PIP4K2A: variants seen among roughly 807,000 people sequenced by gnomAD.
The protein encoded by PIP4K2A is phosphatidylinositol 5-phosphate 4-kinase type-2 alpha.
Under a neutral mutation model 42.9 loss-of-function variants are expected in PIP4K2A, and 14 were observed. The observed-to-expected ratio is 0.33, with a 90% CI of 0.22 to 0.51. PIP4K2A has a LOEUF of 0.51. Among genes scored for constraint, PIP4K2A ranks in the 20% least tolerant of loss-of-function variants. PIP4K2A has a pLI of 0.97. For missense variants in PIP4K2A, 434 were observed against 519.8 expected (o/e 0.83, Z 1.61); for synonymous variants, 192 against 192.2 (o/e 1.00, Z 0.01).
chr10:22,690,046 C>G (rs542242120), intron 1 of PIP4K2A, among the ~76,000 whole-genome samples: 1 of 152,246 alleles, frequency 6.6e-6, no homozygotes, highest in African/African-American at 2.4e-5. Flanking sequence ...TTAAGTATTT[C>G]TCAAAACTTA....
At chr10:22,601,967 A>G (rs1420189830) in intron 3 of PIP4K2A, among the ~76,000 whole-genome samples, 1 of 151,994 alleles carries the variant, frequency 6.6e-6, no homozygotes, top group East Asian at 1.9e-4. Context: ...ACTTCTCTCA[A>G]TGTCTTTTCA....
At chr10:22,587,766 T>G (rs1837431945) in intron 4 of PIP4K2A, among the ~76,000 whole-genome samples, 1 of 152,186 alleles carries the variant, frequency 6.6e-6, no homozygotes, top group Admixed American at 6.5e-5. Context: ...GGGAGAGGGC[T>G]AGGCAGCCGG....
chr10:22,577,359 C>G (rs966627185), intron 4 of PIP4K2A, among the ~76,000 whole-genome samples: 3 of 151,978 alleles, frequency 2.0e-5, no homozygotes, highest in African/African-American at 7.2e-5. Context: ...GGAGGTGGTG[C>G]TCGGTGGGAG....
At chr10:22,598,325 T>A (rs1226176652) in intron 3 of PIP4K2A, among the ~76,000 whole-genome samples, 3 of 152,140 alleles carry the variant, frequency 2.0e-5, no homozygotes, top group Non-Finnish European at 4.4e-5. Flanking sequence ...ACCACTGCAC[T>A]CCAGCCTAGT....
chr10:22,610,999 C>T (rs904354549), intron 1 of PIP4K2A, among the ~76,000 whole-genome samples: 5 of 152,024 alleles, frequency 3.3e-5, no homozygotes, highest in African/African-American at 9.7e-5. Flanking sequence ...ATTTTTTAAG[C>T]TGTGAGAAAT....
At chr10:22,615,254 C>T (rs776195465) in intron 1 of PIP4K2A, among the ~76,000 whole-genome samples, 3 of 152,162 alleles carry the variant, frequency 2.0e-5, no homozygotes, top group African/African-American at 2.4e-5. Flanking sequence ...TACAGGCGCA[C>T]ACCACCATGC....
intron 1 of PIP4K2A, among the ~76,000 whole-genome samples, chr10:22,618,196 C>A (rs1277080351): frequency 6.6e-6 from 1 of 152,216 alleles, no homozygotes; most frequent in Non-Finnish European, 1.5e-5. Context: ...AATCTCTCCT[C>A]TCTTTCCCCA....
At chr10:22,559,265 T>C (rs924137669) in intron 6 of PIP4K2A, among the ~76,000 whole-genome samples, 5 of 152,224 alleles carry the variant, frequency 3.3e-5, no homozygotes, top group African/African-American at 4.8e-5. Flanking sequence ...TACTGAATTT[T>C]GGAAGTCTTC....
At chr10:22,668,632 G>C (rs1350510804) in intron 1 of PIP4K2A, among the ~76,000 whole-genome samples, 1 of 152,174 alleles carries the variant, frequency 6.6e-6, no homozygotes, top group African/African-American at 2.4e-5. Context: ...ATAAATAGAA[G>C]CTGGTTTTCT....
rs144785253 is a variant in PIP4K2A at position 22,673,262 on chromosome 10, A to G, written c.144+40921T>C. 5.3e-3 allele frequency among the ~76,000 whole-genome samples: 802 copies of G among 152,360 alleles called. 5 individuals carry two copies. The highest frequency in any genetic ancestry group is 0.014 in the Middle Eastern group (4 of 294). ...TCCATATACATCTCTAAGCTGTCTT[A>G]TAATTATGCTTATCTCTGTGATCCT... On this transcript the variant is annotated intron_variant, in intron 1 of 9. Coordinates refer to ENST00000376573, the MANE Select transcript of PIP4K2A (RefSeq NM_005028.5).
At chr10:22,663,296 G>A (rs1839243172) in intron 1 of PIP4K2A, among the ~76,000 whole-genome samples, 1 of 152,192 alleles carries the variant, frequency 6.6e-6, no homozygotes, top group South Asian at 2.1e-4. Context: ...AGGCTTAGTT[G>A]AAATAATGTA....
At chr10:22,665,833 C>T (rs1839339194) in intron 1 of PIP4K2A, among the ~76,000 whole-genome samples, 1 of 151,664 alleles carries the variant, frequency 6.6e-6, no homozygotes, top group Admixed American at 6.6e-5. Flanking sequence ...TATATACATA[C>T]ACACACAGAC....
chr10:22,586,511 A>G (rs776361300), intron 4 of PIP4K2A, among the ~76,000 whole-genome samples: 1 of 152,188 alleles, frequency 6.6e-6, no homozygotes, highest in Non-Finnish European at 1.5e-5. Flanking sequence ...TAAAAATCTT[A>G]TTCAGTCACT....
At chr10:22,682,122 TA>T (rs1839674917) in intron 1 of PIP4K2A, among the ~76,000 whole-genome samples, 1 of 152,088 alleles carries the variant, frequency 6.6e-6, no homozygotes, top group Non-Finnish European at 1.5e-5. Flanking sequence ...ATTCAAGATA[TA>T]AAAATGCTCA....
At chr10:22,608,414 A>C (rs1837957487) in intron 2 of PIP4K2A, among the ~76,000 whole-genome samples, 1 of 152,166 alleles carries the variant, frequency 6.6e-6, no homozygotes, top group Admixed American at 6.5e-5. Context: ...ACTGCTGAGG[A>C]AAGGAGGGCC....
chr10:22,651,758 CG>C (rs2130813293), intron 1 of PIP4K2A, among the ~76,000 whole-genome samples: 1 of 152,324 alleles, frequency 6.6e-6, no homozygotes, highest in East Asian at 1.9e-4. Flanking sequence ...TGCTGGTGCC[CG>C]GGAGGCAGCT....
At chr10:22,605,412 T>C (rs1009520119) in intron 3 of PIP4K2A, among the ~76,000 whole-genome samples, 2 of 152,212 alleles carry the variant, frequency 1.3e-5, no homozygotes, top group Non-Finnish European at 2.9e-5. Flanking sequence ...CAATTTGTAC[T>C]GACTTCAATA....
At chr10:22,651,892 C>A (rs1047208708) in intron 1 of PIP4K2A, among the ~76,000 whole-genome samples, 8 of 152,146 alleles carry the variant, frequency 5.3e-5, no homozygotes, top group African/African-American at 1.9e-4. Flanking sequence ...TACTAGTGAT[C>A]TGGATATAAA....
At chr10:22,543,076 T>TA (rs1287966155) in intron 7 of PIP4K2A, among the ~76,000 whole-genome samples, 3 of 152,190 alleles carry the variant, frequency 2.0e-5, no homozygotes, top group African/African-American at 4.8e-5. Flanking sequence ...GGCAAACAGA[T>TA]AAAATCACAG....
Sources: allele counts gnomAD v4.1 joint callset (sites outside exome capture counted in the v4.1 genomes callset), GRCh38; gene constraint gnomAD v4.1.1; transcripts MANE v1.5; gene names NCBI Gene and HGNC (gene_info 2026-07-23, HGNC 2026-07-21).